MAP3K4: variants seen among roughly 807,000 people sequenced by gnomAD.
MAP3K4 encodes mitogen-activated protein kinase kinase kinase 4.
In MAP3K4, 67 loss-of-function variants were observed where a neutral mutation model predicts 185.6. That is an observed-to-expected ratio of 0.36 (90% CI 0.30 to 0.44). The LOEUF (loss-of-function observed/expected upper bound fraction) is 0.44, where lower values mean the gene tolerates loss of function less well. Ranked by LOEUF, MAP3K4 falls within the 20% of genes least tolerant of loss-of-function variation. The probability of loss-of-function intolerance (pLI) is 1.00; values close to 1 mark genes in which losing one functional copy is unlikely to be tolerated. For synonymous variants in MAP3K4, 702 were observed against 710.4 expected (o/e 0.99, Z 0.19); for missense variants, 1,551 against 1,995.1 (o/e 0.78, Z 4.24).
rs1283784437 is a variant in MAP3K4 at position 161,089,355 on chromosome 6, G to A, written c.2857G>A (p.Ala953Thr). ...TCTTTTACTAGTTGTCATGCAGTCT[G>A]CGCATCTCACAATTCAGAGAAAAGC... ...DNLLLVVMQS[A>T]HLTIQRKAFQ... Residue 953 changes from alanine (A) to threonine (T), a missense_variant, in exon 11 of 27, where the codon GCG becomes ACG. This residue lies in a region of MAP3K4 where 261 missense variants were observed against 306.5 expected (regional missense o/e 0.85). Transcript: ENST00000392142. The A allele has an allele frequency of 3.7e-6, 6 of 1,614,082 alleles. No homozygotes were observed.
rs1020223584 is a variant in MAP3K4, at chr6:161,061,793, A to G, written c.1708-8815A>G. Among the ~76,000 whole-genome samples the G allele has an allele frequency of 4.6e-5, 7 of 152,200 alleles. No individual in the cohort carries two copies. The highest frequency in any genetic ancestry group is 1.7e-4 in the African/African-American group (7 of 41,450). ...TTGCTGTGGTATGTATTGGCGCTTC[A>G]TTCCTTTTTATGACTGAATAATATT... On this transcript the variant is annotated intron_variant, in intron 3 of 26. Transcript: ENST00000392142. This position sits in a 1 kb window ranked among gnomAD's most constrained non-coding sequence, Gnocchi z 4.2.
chr6:160,994,036 T>C (rs1005226967), intron 1 of MAP3K4, among the ~76,000 whole-genome samples: 1 of 152,062 alleles, frequency 6.6e-6, no homozygotes, highest in African/African-American at 2.4e-5. Context: ...ATGTAGGGGG[T>C]CTATCCAGTT....
At position 161,098,241 on chromosome 6, in the gene MAP3K4, C is replaced by T; in HGVS notation, c.3525-37C>T. The T allele has an allele frequency of 6.3e-7, 1 of 1,585,420 alleles. No homozygotes were observed. The highest frequency in any genetic ancestry group is 8.6e-7 in the Non-Finnish European group (1 of 1,162,614). On this transcript the variant is annotated intron_variant, in intron 16 of 26. Coordinates refer to ENST00000392142, the MANE Select transcript of MAP3K4 (RefSeq NM_005922.4). The surrounding 1 kb of genome is among the most constrained non-coding windows in gnomAD (Gnocchi z 4.4). ...ACAATTTTCAAGTCCGTTCCCTCTT[C>T]TCACATGTGTTCCTGAAGCTTTTCT... is the stretch of plus-strand genomic sequence containing the variant.
chr6:160,994,372 T>C (rs967058718), intron 1 of MAP3K4, among the ~76,000 whole-genome samples: 12 of 152,210 alleles, frequency 7.9e-5, no homozygotes. Flanking sequence ...CTCTCACTTA[T>C]AAGTGAATAC....
At position 161,053,556 on chromosome 6, in the gene MAP3K4, T is replaced by C. The variant is rs1308504720; in HGVS notation, c.1707+3577T>C. Among the ~76,000 whole-genome samples, 3 of 152,242 alleles carry C rather than the reference T, an allele frequency of 2.0e-5. No homozygotes were observed. The highest frequency in any genetic ancestry group is 6.5e-5 in the Admixed American group (1 of 15,278). ...TTGTACATTTTAAGGGCATACATTT[T>C]AGGCAGTAAAACCTTTTAGGTTTGA... On this transcript the variant is annotated intron_variant, in intron 3 of 26. Coordinates refer to ENST00000392142, the MANE Select transcript of MAP3K4 (RefSeq NM_005922.4). The surrounding 1 kb of genome is among the most constrained non-coding windows in gnomAD (Gnocchi z 4.2).
Position 161,097,710 on chromosome 6 carries a change from G to A in MAP3K4, c.3524+534G>A, listed in dbSNP as rs1261239307. ...CTTGAGGTAGTGAGCACCTTCTCTCGCCTGTATAATCAGTTTTTAAAAGTT... is the reference window on the plus strand; with the variant it reads ...CTTGAGGTAGTGAGCACCTTCTCTCACCTGTATAATCAGTTTTTAAAAGTT... On this transcript the variant is annotated intron_variant, in intron 16 of 26. Transcript: ENST00000392142. This position sits in a 1 kb window ranked among gnomAD's most constrained non-coding sequence, Gnocchi z 4.9. 6.6e-6 allele frequency among the ~76,000 whole-genome samples: 1 copy of A among 152,036 alleles called. No homozygotes were observed. Among genetic ancestry groups the A allele is most frequent in the Non-Finnish European group, 1.5e-5 (1 of 68,024 alleles).
chr6:161,073,351 T>C lies in MAP3K4; in HGVS notation c.1951-115T>C. 9 of 1,007,826 alleles carry C rather than the reference T, an allele frequency of 8.9e-6. No individual in the cohort carries two copies. Among genetic ancestry groups the C allele is most frequent in the Non-Finnish European group, 1.3e-5 (9 of 717,540 alleles). The allele number at this position is 1,007,826 out of a possible 1,614,324, so 62.4% of individuals were successfully genotyped here. The stretch of plus-strand genomic sequence containing the variant: ...CAAGAATCTAGAAACTATTGTAGGT[T>C]TTTTAGAGGCAAGGTTCCCTCTGAG... On this transcript the variant is annotated intron_variant, in intron 4 of 26. Coordinates refer to ENST00000392142, the MANE Select transcript of MAP3K4 (RefSeq NM_005922.4). The surrounding 1 kb of genome is among the most constrained non-coding windows in gnomAD (Gnocchi z 4.2).
rs766804008 is a variant in MAP3K4 at position 161,053,501 on chromosome 6, A to G, written c.1707+3522A>G. ...GCAACTGTATTTTTATTTTTAAGATATCTTCTGCCTTTTAACCTCTGCCAA... is the reference window on the plus strand; with the variant it reads ...GCAACTGTATTTTTATTTTTAAGATGTCTTCTGCCTTTTAACCTCTGCCAA... On this transcript the variant is annotated intron_variant, in intron 3 of 26. Coordinates refer to ENST00000392142, the MANE Select transcript of MAP3K4 (RefSeq NM_005922.4). This position sits in a 1 kb window ranked among gnomAD's most constrained non-coding sequence, Gnocchi z 4.2. Among the ~76,000 whole-genome samples the G allele has an allele frequency of 3.3e-4, 50 of 152,250 alleles. No individual in the cohort carries two copies. Among genetic ancestry groups the G allele is most frequent in the Non-Finnish European group, 7.1e-4 (48 of 68,034 alleles).
At position 161,088,620 on chromosome 6, in the gene MAP3K4, C is replaced by T. The variant is rs1470602120; in HGVS notation, c.2823+666C>T. Among the ~76,000 whole-genome samples the T allele has an allele frequency of 1.3e-5, 2 of 152,192 alleles. No individual in the cohort carries two copies. The highest frequency in any genetic ancestry group is 4.8e-5 in the African/African-American group (2 of 41,462). The stretch of plus-strand genomic sequence containing the variant: ...GACAGCTAATATAAATTCAGCCTCC[C>T]ATCTTTCCAGTTAATACCTTGCCCT... On this transcript the variant is annotated intron_variant, in intron 10 of 26. Coordinates refer to ENST00000392142, the MANE Select transcript of MAP3K4 (RefSeq NM_005922.4). This position sits in a 1 kb window ranked among gnomAD's most constrained non-coding sequence, Gnocchi z 4.5.
rs1785396285 is a variant in MAP3K4 at position 161,080,441 on chromosome 6, G to A, written c.2098-440G>A. On this transcript the variant is annotated intron_variant, in intron 5 of 26. Coordinates refer to ENST00000392142, the MANE Select transcript of MAP3K4 (RefSeq NM_005922.4). This position sits in a 1 kb window ranked among gnomAD's most constrained non-coding sequence, Gnocchi z 4.8. Reference sequence around the variant, plus strand: ...ATCACGCAAATCCGGATGTTAGGAAGGGGTGGTGCGAAGAAGGGTGTTGAC... The same window carrying A: ...ATCACGCAAATCCGGATGTTAGGAAAGGGTGGTGCGAAGAAGGGTGTTGAC... Among the ~76,000 whole-genome samples the A allele has an allele frequency of 6.6e-6, 1 of 152,178 alleles. No individual in the cohort carries two copies. The highest frequency in any genetic ancestry group is 2.4e-5 in the African/African-American group (1 of 41,452).
intron 3 of MAP3K4, among the ~76,000 whole-genome samples, chr6:161,058,972 G>T (rs372386353): frequency 6.6e-6 from 1 of 152,038 alleles, no homozygotes; most frequent in Non-Finnish European, 1.5e-5. Context: ...AATTGAAATG[G>T]AATTGTTAGG....
chr6:161,050,161 T>C (rs535626588), intron 3 of MAP3K4, among the ~76,000 whole-genome samples, 182 bp downstream of exon 3: 1 of 152,330 alleles, frequency 6.6e-6, no homozygotes, highest in East Asian at 1.9e-4. Context: ...GAAAACTGCA[T>C]GAAATTTAGT....
In MAP3K4 at chr6:161,093,752, C is replaced by G. The variant is rs777801477; in HGVS notation, c.3349-21C>G. The stretch of plus-strand genomic sequence containing the variant: ...TATGCATGTTTTCTCTTTACCTTTC[C>G]CATTTTCTTTTGGTTTCTAGAGTTT... On this transcript the variant is annotated intron_variant, in intron 14 of 26. Coordinates refer to ENST00000392142, the MANE Select transcript of MAP3K4 (RefSeq NM_005922.4). This position sits in a 1 kb window ranked among gnomAD's most constrained non-coding sequence, Gnocchi z 5.2. 4.0e-6 allele frequency: 6 copies of G among 1,503,808 alleles called. No homozygotes were observed. The highest frequency in any genetic ancestry group is 1.7e-4 in the Middle Eastern group (1 of 5,836). The allele number at this position is 1,503,808 out of a possible 1,614,324, so 93.2% of individuals were successfully genotyped here.
At position 161,091,516 on chromosome 6, in the gene MAP3K4, T is replaced by G. The variant is rs1562533643; in HGVS notation, c.3111T>G (p.Ile1037Met). ...AACAGTACTACCGAGAAGCAATGATTCAGGGGTACAATTTTGGATTTGAGG... is the reference window on the plus strand; with the variant it reads ...AACAGTACTACCGAGAAGCAATGATGCAGGGGTACAATTTTGGATTTGAGG... Reference protein sequence around the residue: ...TLQQYYREAMIQGYNFGFEYH... With the variant: ...TLQQYYREAMMQGYNFGFEYH... The change falls in exon 12 of 27, where the codon ATT (isoleucine) becomes ATG (methionine). Residue 1037 changes from isoleucine to methionine, a missense_variant. By Grantham distance (10) the Ile-to-Met change is conservative (BLOSUM62 1). Transcript: ENST00000392142. This position sits in a 1 kb window ranked among gnomAD's most constrained non-coding sequence, Gnocchi z 5.5. 1 of 1,612,710 alleles carries G rather than the reference T, an allele frequency of 6.2e-7. No homozygotes were observed. Among genetic ancestry groups the G allele is most frequent in the Non-Finnish European group, 8.5e-7 (1 of 1,179,630 alleles).
At position 161,007,326 on chromosome 6, in the gene MAP3K4, T is replaced by C. The variant is rs1490487577; in HGVS notation, c.152+15243T>C. On this transcript the variant is annotated intron_variant, in intron 1 of 26. Transcript: ENST00000392142. This position sits in a 1 kb window ranked among gnomAD's most constrained non-coding sequence, Gnocchi z 4.5. ...AAAACATTCACTATTGAGGAATGTC[T>C]TGAAGAGGAGGGAGAAACTTAGGGT... Among the ~76,000 whole-genome samples the C allele has an allele frequency of 6.6e-6, 1 of 152,178 alleles. No homozygotes were observed. Among genetic ancestry groups the C allele is most frequent in the Non-Finnish European group, 1.5e-5 (1 of 68,028 alleles).
At chr6:161,111,632 C>T (rs1778354391) in intron 23 of MAP3K4, among the ~76,000 whole-genome samples, 1 of 152,180 alleles carries the variant, frequency 6.6e-6, no homozygotes, top group South Asian at 2.1e-4. Context: ...GCTACCTGCA[C>T]TGGTGTTAAA....
At position 161,110,889 on chromosome 6, in the gene MAP3K4, C is replaced by T. The variant is rs1362181352; in HGVS notation, c.4397-947C>T. 6.6e-6 allele frequency among the ~76,000 whole-genome samples: 1 copy of T among 152,178 alleles called. No homozygotes were observed. On this transcript the variant is annotated intron_variant, in intron 23 of 26. Transcript: ENST00000392142. This position sits in a 1 kb window ranked among gnomAD's most constrained non-coding sequence, Gnocchi z 4.8. The stretch of plus-strand genomic sequence containing the variant: ...CACTGCCTATTTCTAGTCGTTCTGC[C>T]ACAGACACCATCCTCAGTCTCTGTC...
At chr6:161,004,083 AAG>A (rs1419306221) in intron 1 of MAP3K4, among the ~76,000 whole-genome samples, 1 of 142,444 alleles carries the variant, frequency 7.0e-6, no homozygotes, top group Admixed American at 7.4e-5. Context: ...ATATCAGAGA[AAG>A]AGATTCTGTA....
chr6:161,107,761 A>G lies in MAP3K4; in HGVS notation c.4049-138A>G, dbSNP rs777606961. The G allele has an allele frequency of 1.2e-5, 7 of 598,378 alleles. No homozygotes were observed. The highest frequency in any genetic ancestry group is 1.9e-5 in the African/African-American group (1 of 53,656). The allele number at this position is 598,378 out of a possible 1,614,324, so 37.1% of individuals were successfully genotyped here. A position where few individuals can be genotyped will look rare whatever the true frequency, so the allele number is the denominator to read the frequency against. On this transcript the variant is annotated intron_variant, in intron 20 of 26. Transcript: ENST00000392142. The surrounding 1 kb of genome is among the most constrained non-coding windows in gnomAD (Gnocchi z 6.2). The stretch of plus-strand genomic sequence containing the variant: ...ATTTAGAAAAATTTTGGATCTTGCA[A>G]TAGTAAACTGCAGTAAACATAATTA...
Sources: allele counts gnomAD v4.1 joint callset (sites outside exome capture counted in the v4.1 genomes callset), GRCh38; gene constraint gnomAD v4.1.1; regional missense constraint gnomAD v4.1.1; non-coding constraint Gnocchi (gnomAD v3.1); transcripts MANE v1.5; gene names NCBI Gene and HGNC (gene_info 2026-07-23, HGNC 2026-07-21).